The following ZNRF2 variants were observed in gnomAD, a reference collection of about 807,000 sequenced individuals.
ZNRF2 encodes the protein zinc and ring finger 2, also known as E3 ubiquitin-protein ligase ZNRF2.
A neutral mutation model predicts 20.4 loss-of-function variants in ZNRF2; 16 were observed. The observed-to-expected ratio is 0.79, with a 90% CI of 0.53 to 1.19. The LOEUF (loss-of-function observed/expected upper bound fraction) is 1.19. Among genes scored for constraint, ZNRF2 ranks in the 50% most tolerant of loss-of-function variants. The pLI is 0.00. For missense variants in ZNRF2, 363 were observed against 332.4 expected, an observed-to-expected ratio of 1.09 and a Z score of -0.72; for synonymous variants, 178 against 144.9, an observed-to-expected ratio of 1.23 and a Z score of -1.64.
intron 1 of ZNRF2, among the ~76,000 whole-genome samples, chr7:30,302,089 C>T (rs1799126396): frequency 6.6e-6 from 1 of 152,220 alleles, no homozygotes; most frequent in South Asian, 2.1e-4. Flanking sequence ...AATTGTCTGG[C>T]ATGCCTTTGA....
At chr7:30,356,766 C>T (rs998530694) in intron 3 of ZNRF2, among the ~76,000 whole-genome samples, 15 of 136,884 alleles carry the variant, frequency 1.1e-4, no homozygotes, top group African/African-American at 2.8e-4. Flanking sequence ...AGGGCAGTGA[C>T]GTGATCTCGG....
intron 1 of ZNRF2, among the ~76,000 whole-genome samples, chr7:30,323,136 A>G (rs965952014): frequency 2.0e-5 from 3 of 152,114 alleles, no homozygotes; most frequent in Non-Finnish European, 4.4e-5. Flanking sequence ...TAGATTCTAG[A>G]CCTGTTTTTG....
chr7:30,322,540 G>A (rs984009366), intron 1 of ZNRF2, among the ~76,000 whole-genome samples: 1 of 151,938 alleles, frequency 6.6e-6, no homozygotes, highest in Non-Finnish European at 1.5e-5. Flanking sequence ...CTGTTCTCTC[G>A]TAAGTTCAGC....
chr7:30,296,690 T>C (rs1799025098), intron 1 of ZNRF2, among the ~76,000 whole-genome samples: 1 of 152,222 alleles, frequency 6.6e-6, no homozygotes, highest in African/African-American at 2.4e-5. Flanking sequence ...TTTTGTCCAC[T>C]CTTCCTACCA....
intron 2 of ZNRF2, among the ~76,000 whole-genome samples, chr7:30,348,016 T>A (rs1240912733): frequency 6.6e-6 from 1 of 152,166 alleles, no homozygotes; most frequent in Non-Finnish European, 1.5e-5. Flanking sequence ...TTTTAAATAT[T>A]TTTCCTGTTC....
intron 2 of ZNRF2, among the ~76,000 whole-genome samples, chr7:30,332,958 T>C (rs551159188): frequency 6.6e-6 from 1 of 152,316 alleles, no homozygotes; most frequent in African/African-American, 2.4e-5. Flanking sequence ...ATCTTCATAC[T>C]GCTTTCCACA....
chr7:30,296,538 T>A (rs1239977355), intron 1 of ZNRF2, among the ~76,000 whole-genome samples: 1 of 152,234 alleles, frequency 6.6e-6, no homozygotes, highest in Admixed American at 6.5e-5. Flanking sequence ...AGCAATTCAC[T>A]GCTTTGCTGG....
chr7:30,361,399 T>A (rs557837859), intron 3 of ZNRF2, among the ~76,000 whole-genome samples: 10 of 152,346 alleles, frequency 6.6e-5, no homozygotes, highest in Admixed American at 1.3e-4. Context: ...CCAACCTATC[T>A]GGACATGAGG....
chr7:30,296,349 A>G (rs568827152), intron 1 of ZNRF2, among the ~76,000 whole-genome samples: 1 of 152,344 alleles, frequency 6.6e-6, no homozygotes, highest in African/African-American at 2.4e-5. Flanking sequence ...ACAAAGTGTT[A>G]TCAATGTGAG....
chr7:30,361,077 T>C (rs1244241777), intron 3 of ZNRF2, among the ~76,000 whole-genome samples: 1 of 152,210 alleles, frequency 6.6e-6, no homozygotes, highest in African/African-American at 2.4e-5. Context: ...AGTTACCTGG[T>C]TGTAAAATAA....
In ZNRF2 at chr7:30,357,274, G is replaced by C. The variant is rs73081555; in HGVS notation, c.671+1441G>C. On this transcript the variant is annotated intron_variant, in intron 3 of 4. Transcript: ENST00000323037. ...CATGTCCTAGAACATAAAGCAAATCGCAGCAAAGTACAAAGAATTGGTACC... is the reference window on the plus strand; with the variant it reads ...CATGTCCTAGAACATAAAGCAAATCCCAGCAAAGTACAAAGAATTGGTACC... Among the ~76,000 whole-genome samples the C allele has an allele frequency of 2.4e-3, 365 of 152,220 alleles. 3 individuals carry two copies. Among genetic ancestry groups the C allele is most frequent in the Admixed American group, 6.2e-3 (95 of 15,290 alleles).
intron 3 of ZNRF2, among the ~76,000 whole-genome samples, chr7:30,357,827 G>C (rs1800064405): frequency 6.6e-6 from 1 of 152,116 alleles, no homozygotes; most frequent in Non-Finnish European, 1.5e-5. Flanking sequence ...AAGATGGAAG[G>C]TTCTCCCATT....
At chr7:30,342,932 C>T (rs939029665) in intron 2 of ZNRF2, among the ~76,000 whole-genome samples, 11 of 151,968 alleles carry the variant, frequency 7.2e-5, no homozygotes, top group Admixed American at 3.9e-4. Flanking sequence ...CTAGTTTTGC[C>T]GCATTGTGAT....
chr7:30,345,091 C>T (rs929977021), intron 2 of ZNRF2, among the ~76,000 whole-genome samples: 1 of 152,008 alleles, frequency 6.6e-6, no homozygotes, highest in East Asian at 1.9e-4. Flanking sequence ...ACTTGGTGTG[C>T]CCTTTCAATA....
chr7:30,365,038 C>T (rs539813109), intron 4 of ZNRF2, among the ~76,000 whole-genome samples: 32 of 152,066 alleles, frequency 2.1e-4, no homozygotes, highest in Admixed American at 1.9e-3. Context: ...GCCCTCATCA[C>T]CTAATCATGT....
At chr7:30,300,978 G>A (rs1426858796) in intron 1 of ZNRF2, among the ~76,000 whole-genome samples, 2 of 152,208 alleles carry the variant, frequency 1.3e-5, no homozygotes, top group Admixed American at 6.5e-5. Flanking sequence ...TCAGCCTTGT[G>A]CAAGAGGAGC....
At chr7:30,298,293 G>T (rs1488018165) in intron 1 of ZNRF2, among the ~76,000 whole-genome samples, 1 of 151,792 alleles carries the variant, frequency 6.6e-6, no homozygotes, top group Non-Finnish European at 1.5e-5. Context: ...CTGATGACTC[G>T]GTTTCTTCCC....
At chr7:30,314,311 C>T (rs1245133133) in intron 1 of ZNRF2, among the ~76,000 whole-genome samples, 3 of 152,090 alleles carry the variant, frequency 2.0e-5, no homozygotes, top group African/African-American at 7.2e-5. Context: ...ATGGGGCACA[C>T]GTAACATTAC....
chr7:30,350,006 G>A (rs1375730244), intron 2 of ZNRF2, among the ~76,000 whole-genome samples: 1 of 152,036 alleles, frequency 6.6e-6, no homozygotes, highest in Non-Finnish European at 1.5e-5. Flanking sequence ...AAATAACTTG[G>A]TAATCTAATA....
Sources: allele counts gnomAD v4.1 joint callset (sites outside exome capture counted in the v4.1 genomes callset), GRCh38; gene constraint gnomAD v4.1.1; transcripts MANE v1.5; gene names NCBI Gene and HGNC (gene_info 2026-07-23, HGNC 2026-07-21).